GALNS: variants seen among roughly 807,000 people sequenced by gnomAD.
GALNS encodes the protein galactosamine (N-acetyl)-6-sulfatase, also known as N-acetylgalactosamine-6-sulfatase.
Under a neutral mutation model 65.9 loss-of-function variants are expected in GALNS, and 65 were observed. That is an observed-to-expected ratio of 0.99 (90% CI 0.81 to 1.21). The LOEUF is 1.21. Among genes scored for constraint, GALNS ranks in the 50% most tolerant of loss-of-function variants. GALNS has a pLI of 0.00. For missense variants in GALNS, 776 were observed against 700.7 expected (o/e 1.11, Z -1.21); for synonymous variants, 346 against 288.9 (o/e 1.20, Z -2.00).
intron 9 of GALNS, among the ~76,000 whole-genome samples, chr16:88,830,609 G>A (rs367812174): frequency 1.5e-4 from 23 of 152,340 alleles, no homozygotes; most frequent in African/African-American, 5.1e-4. Context: ...TCAGCCCCGC[G>A]TGTTGATGGG....
intron 1 of GALNS, among the ~76,000 whole-genome samples, chr16:88,854,633 G>A (rs540248582): frequency 3.9e-5 from 6 of 152,224 alleles, no homozygotes; most frequent in Non-Finnish European, 7.3e-5. Flanking sequence ...GACACGGGCA[G>A]AGCCAACCTC....
At chr16:88,825,617 G>A (rs1399969950) in intron 10 of GALNS, among the ~76,000 whole-genome samples, 5 of 151,232 alleles carry the variant, frequency 3.3e-5, no homozygotes, top group African/African-American at 1.2e-4. Context: ...GTGCCTGGGC[G>A]GCCGGGGCTA....
In GALNS at chr16:88,832,897, C is replaced by T. The variant is rs372745434; in HGVS notation, c.899-796G>A. The stretch of plus-strand genomic sequence containing the variant: ...ACTGGTTTCTACCAAAGAGAGACCA[C>T]GGCTAAACCCCATCTCTACAAAAAT... On this transcript the variant is annotated intron_variant, in intron 8 of 13. Coordinates refer to ENST00000268695, the MANE Select transcript of GALNS (RefSeq NM_000512.5). Among the ~76,000 whole-genome samples, 30 of 152,036 alleles carry T rather than the reference C, an allele frequency of 2.0e-4. No homozygotes were observed. The East Asian group carries it at 2.7e-3, about 14-fold the overall frequency.
rs989499524 is a variant in GALNS, at chr16:88,848,447, C to T, written c.121-5618G>A. 2.6e-5 allele frequency among the ~76,000 whole-genome samples: 4 copies of T among 152,014 alleles called. No individual in the cohort carries two copies. In the East Asian group the frequency reaches 7.7e-4, roughly 29 times the overall value. Reference sequence around the variant, plus strand: ...AGGAGATCGAGACCATCCTTGCTAACACAGTGAAACCCCGTCTCTACCAAA... The same window carrying T: ...AGGAGATCGAGACCATCCTTGCTAATACAGTGAAACCCCGTCTCTACCAAA... On this transcript the variant is annotated intron_variant, in intron 1 of 13. Coordinates refer to ENST00000268695, the MANE Select transcript of GALNS (RefSeq NM_000512.5).
intron 13 of GALNS, chr16:88,816,466 C>T (rs1256340297): frequency 3.0e-6 from 3 of 985,270 alleles, no homozygotes; most frequent in Non-Finnish European, 2.4e-6. Context: ...TGCCCAGGTC[C>T]CTTTGAAGGA....
chr16:88,846,392 G>A (rs549812877), intron 1 of GALNS, among the ~76,000 whole-genome samples: 1 of 152,252 alleles, frequency 6.6e-6, no homozygotes, highest in South Asian at 2.1e-4. Flanking sequence ...GACGGCTGGG[G>A]GCCACCAGAA....
chr16:88,852,505 C>A (rs1337358575), intron 1 of GALNS, among the ~76,000 whole-genome samples: 1 of 152,210 alleles, frequency 6.6e-6, no homozygotes, highest in Non-Finnish European at 1.5e-5. Context: ...TCCTCGCCAG[C>A]AAGGGAACAA....
At position 88,837,724 on chromosome 16, in the gene GALNS, C is replaced by T. The variant is rs2143002437; in HGVS notation, c.464G>A (p.Gly155Glu). 1 of 1,614,018 alleles carries T rather than the reference C, an allele frequency of 6.2e-7. No homozygotes were observed. Among genetic ancestry groups the T allele is most frequent in the Non-Finnish European group, 8.5e-7 (1 of 1,180,000 alleles). ...HRPQFHPLKH[G>E]FDEWFGSPNC... ...GGGGGATCCAAACCACTCATCAAAT[C>T]CGTGCTTCAGGGGGTGGAACTGGGG... Residue 155 changes from glycine to glutamate, a missense_variant, in exon 5 of 14, where the codon GGA (glycine) becomes GAA (glutamate). Physicochemically the swap from Gly to Glu is moderately conservative, Grantham distance 98 (BLOSUM62 -2). Coordinates refer to ENST00000268695, the MANE Select transcript of GALNS (RefSeq NM_000512.5).
At chr16:88,816,194 G>A in intron 13 of GALNS, 1 of 985,482 alleles carries the variant, frequency 1.0e-6, no homozygotes, top group Non-Finnish European at 1.2e-6. Context: ...GGAGATGGCA[G>A]TGGCAGCCAG....
intron 9 of GALNS, among the ~76,000 whole-genome samples, chr16:88,829,327 T>C (rs1051227211): frequency 1.3e-5 from 2 of 152,166 alleles, no homozygotes; most frequent in African/African-American, 4.8e-5. Context: ...ACAGCTGCAT[T>C]CTGTCCTAGG....
At chr16:88,854,465 G>A (rs1360297417) in intron 1 of GALNS, among the ~76,000 whole-genome samples, 1 of 152,194 alleles carries the variant, frequency 6.6e-6, no homozygotes, top group African/African-American at 2.4e-5. Flanking sequence ...GGCCCTTCAG[G>A]GAACCCCCTC....
chr16:88,832,116 C>A lies in GALNS; in HGVS notation c.899-15G>T, dbSNP rs776802120. ...GTTGCTGCCACCTGGGAGAGAGGGG[C>A]CCTTGTCAGGCCACTGGGACCAGAT... On this transcript the variant is annotated splice_polypyrimidine_tract_variant and intron_variant, in intron 8 of 13. Transcript: ENST00000268695. 1.2e-6 allele frequency: 2 copies of A among 1,609,420 alleles called. No individual in the cohort carries two copies. The highest frequency in any genetic ancestry group is 1.7e-6 in the Non-Finnish European group (2 of 1,176,596).
intron 8 of GALNS, among the ~76,000 whole-genome samples, chr16:88,833,685 C>T (rs1333135213): frequency 1.3e-5 from 2 of 151,960 alleles, no homozygotes; most frequent in Non-Finnish European, 2.9e-5. Context: ...CTCCTGACCT[C>T]GTGATCCACC....
In GALNS at chr16:88,856,827, G is replaced by A; in HGVS notation, c.51C>T (p.Leu17=). 6.5e-7 allele frequency: 1 copy of A among 1,527,988 alleles called. No individual in the cohort carries two copies. The highest frequency in any genetic ancestry group is 8.7e-7 in the Non-Finnish European group (1 of 1,147,310). 94.7% of individuals were successfully genotyped at this position (1,527,988 alleles called of 1,614,324 possible). The change falls in exon 1 of 14, where the codon CTC becomes CTT. Residue 17 remains leucine (L), a synonymous_variant. Transcript: ENST00000268695. ...CCGAGGCCCCCATCCCCGCGGCGCT[G>A]AGCACCAGCAACAGCTGCCACCACC... ...ATRWWQLLLV[L]SAAGMGASGA... is the part of the protein sequence containing the mutation.
intron 5 of GALNS, among the ~76,000 whole-genome samples, 192 bp downstream of exon 5, chr16:88,837,430 A>C (rs1231175703): frequency 6.6e-6 from 1 of 152,202 alleles, no homozygotes; most frequent in Non-Finnish European, 1.5e-5. Context: ...CCCAGGCAGG[A>C]GTCTCATAGG....
In GALNS at chr16:88,814,305, T is replaced by C; in HGVS notation, c.*134A>G. The C allele has an allele frequency of 8.5e-7, 1 of 1,173,650 alleles. No homozygotes were observed. The highest frequency in any genetic ancestry group is 1.2e-6 in the Non-Finnish European group (1 of 808,468). The allele number at this position is 1,173,650 out of a possible 1,614,324, so 72.7% of individuals were successfully genotyped here. On this transcript the variant is annotated 3_prime_UTR_variant, in exon 14 of 14. Transcript: ENST00000268695. ...GTCCTGGGCAGGTGGAATTGTGCAG[T>C]CCCCCTGCGTCTGCAGGTGCTGTCT...
chr16:88,837,556 CGG>C, intron 5 of GALNS, 64 bp downstream of exon 5: 2 of 1,525,816 alleles, frequency 1.3e-6, no homozygotes. Context: ...GTGCTAGAGG[CGG>C]GGGGCAGGCA....
At chr16:88,835,458 T>C in intron 7 of GALNS, 106 bp from the exon 8 acceptor site, 1 of 1,461,424 alleles carries the variant, frequency 6.8e-7, no homozygotes, top group Admixed American at 1.9e-5. Flanking sequence ...AATCATAACT[T>C]CACAGACCAC....
chr16:88,832,945 G>A (rs902329410), intron 8 of GALNS, among the ~76,000 whole-genome samples: 11 of 151,876 alleles, frequency 7.2e-5, no homozygotes, highest in Non-Finnish European at 1.0e-4. Context: ...TGGGTGTGGC[G>A]GCACGTCCTG....
Sources: gnomAD v4.1 joint callset for allele counts (sites outside exome capture counted in the v4.1 genomes callset) on GRCh38, gnomAD v4.1.1 for gene constraint, MANE v1.5 for transcripts, NCBI Gene and HGNC (gene_info 2026-07-23, HGNC 2026-07-21) for gene names.